The following HEATR3 variants were observed in gnomAD, a reference collection of about 807,000 sequenced individuals.
The protein encoded by HEATR3 is HEAT repeat containing 3, also known as HEAT repeat-containing protein 3.
Under a neutral mutation model 72.8 loss-of-function variants are expected in HEATR3, and 56 were observed. The observed-to-expected ratio is 0.77, with a 90% CI of 0.62 to 0.96. The LOEUF (loss-of-function observed/expected upper bound fraction) is 0.96, where lower values mean the gene tolerates loss of function less well. Among genes scored for constraint, HEATR3 ranks in the 40% least tolerant of loss-of-function variants. The pLI is 0.00. For missense variants in HEATR3, 747 were observed against 831.4 expected (o/e 0.90, Z 1.25); for synonymous variants, 331 against 318.1 (o/e 1.04, Z -0.43).
At chr16:50,100,434 G>A in intron 13 of HEATR3, 61 bp downstream of exon 13, 2 of 1,529,422 alleles carry the variant, frequency 1.3e-6, no homozygotes, top group South Asian at 1.1e-5. Context: ...AAGAACTGTT[G>A]GTGTAGGATT....
chr16:50,066,652 G>A lies in HEATR3; in HGVS notation c.311+113G>A, dbSNP rs944371120. 17 of 990,296 alleles carry A rather than the reference G, an allele frequency of 1.7e-5. No individual in the cohort carries two copies. In the Admixed American group the frequency reaches 3.9e-4, roughly 23 times the overall value. The allele number at this position is 990,296 out of a possible 1,614,324, so 61.3% of individuals were successfully genotyped here. On this transcript the variant is annotated intron_variant, in intron 2 of 14. Transcript: ENST00000299192. ...TCTGTGTGCCATCAGGCACTGGCCC[G>A]GTCTCCCGTTTGCAGAGATTTGAAG...
chr16:50,070,413 G>A, intron 4 of HEATR3, 123 bp downstream of exon 4: 1 of 422,500 alleles, frequency 2.4e-6, no homozygotes, highest in South Asian at 3.7e-5. Flanking sequence ...TTAAGACATG[G>A]TAGGGGCCGG....
intron 12 of HEATR3, among the ~76,000 whole-genome samples, chr16:50,096,778 G>A (rs1239946692): frequency 3.9e-5 from 6 of 152,188 alleles, no homozygotes; most frequent in Admixed American, 1.3e-4. Context: ...CAGCCTGGGC[G>A]ACAGAGGGAG....
chr16:50,082,598 C>T (rs1179462959), intron 7 of HEATR3, among the ~76,000 whole-genome samples: 9 of 146,756 alleles, frequency 6.1e-5, no homozygotes, highest in Non-Finnish European at 9.0e-5. Context: ...TAAGAATATG[C>T]TTAGAAGTTA....
At chr16:50,088,292 C>T (rs78366638) in intron 11 of HEATR3, among the ~76,000 whole-genome samples, 1 of 152,164 alleles carries the variant, frequency 6.6e-6, no homozygotes, top group Non-Finnish European at 1.5e-5. Context: ...CTAAATTAAT[C>T]TTTAAAAATT....
At chr16:50,079,817 C>T (rs1464332859) in intron 7 of HEATR3, among the ~76,000 whole-genome samples, 2 of 152,190 alleles carry the variant, frequency 1.3e-5, no homozygotes, top group Non-Finnish European at 2.9e-5. Flanking sequence ...GGAACTTCCT[C>T]CATGTTGGGA....
chr16:50,079,680 A>G (rs908927675), intron 7 of HEATR3, among the ~76,000 whole-genome samples: 2 of 152,140 alleles, frequency 1.3e-5, no homozygotes, highest in East Asian at 3.8e-4. Flanking sequence ...AGCAAATAGG[A>G]AGACGGGGCA....
chr16:50,081,414 C>T (rs973485963), intron 7 of HEATR3, among the ~76,000 whole-genome samples: 2 of 152,110 alleles, frequency 1.3e-5, no homozygotes, highest in East Asian at 1.9e-4. Flanking sequence ...CACTGCACTC[C>T]AGCCTGGGCA....
chr16:50,075,787 C>A, intron 6 of HEATR3, 76 bp downstream of exon 6: 1 of 1,280,116 alleles, frequency 7.8e-7, no homozygotes, highest in South Asian at 1.3e-5. Context: ...AAAATTTAGT[C>A]ATTCATTTCA....
At chr16:50,095,599 T>TA (rs1250615627) in intron 12 of HEATR3, among the ~76,000 whole-genome samples, 3 of 151,998 alleles carry the variant, frequency 2.0e-5, no homozygotes, top group Admixed American at 6.6e-5. Flanking sequence ...GACGGGGTCT[T>TA]ACTGTGTTGC....
At chr16:50,086,192 G>A in intron 10 of HEATR3, 23 bp from the exon 11 acceptor site, 1 of 1,562,732 alleles carries the variant, frequency 6.4e-7, no homozygotes, top group Non-Finnish European at 8.7e-7. Context: ...GAATCAGATG[G>A]CATTGTTTCA....
chr16:50,066,393 C>T lies in HEATR3; in HGVS notation c.165C>T (p.Arg55=). The T allele has an allele frequency of 6.5e-7, 1 of 1,548,122 alleles. No homozygotes were observed. Among genetic ancestry groups the T allele is most frequent in the South Asian group, 1.2e-5 (1 of 85,360 alleles). Reference sequence around the variant, plus strand: ...TCCAGCACCCGAGCGCCGAGGTCCGCGAGTGCGCCTGCGCAGGGCTGGCCC... The same window carrying T: ...TCCAGCACCCGAGCGCCGAGGTCCGTGAGTGCGCCTGCGCAGGGCTGGCCC... ...EKLQHPSAEV[R]ECACAGLARL... is the part of the protein sequence containing the mutation. The change falls in exon 2 of 15, where the codon CGC becomes CGT. Residue 55 remains arginine (R), a synonymous_variant. Transcript: ENST00000299192.
chr16:50,072,984 C>A, intron 5 of HEATR3: 1 of 332,476 alleles, frequency 3.0e-6, no homozygotes, highest in Non-Finnish European at 5.5e-6. Flanking sequence ...TTCTTAGCAG[C>A]CTTTATTAAT....
intron 12 of HEATR3, among the ~76,000 whole-genome samples, chr16:50,096,176 T>G (rs2037230471): frequency 6.6e-6 from 1 of 151,668 alleles, no homozygotes. Flanking sequence ...AATACAAAAG[T>G]TAGCTGGGCA....
chr16:50,067,491 G>T (rs997709279), intron 2 of HEATR3, among the ~76,000 whole-genome samples: 1 of 149,646 alleles, frequency 6.7e-6, no homozygotes, highest in Non-Finnish European at 1.5e-5. Context: ...GAAGCAGCAG[G>T]CAGCTTGACG....
At chr16:50,100,837 A>G (rs927116297) in intron 13 of HEATR3, 2 of 198,798 alleles carry the variant, frequency 1.0e-5, no homozygotes, top group Non-Finnish European at 2.0e-5. Flanking sequence ...CAACCCTGGT[A>G]GTGCCAATAT....
intron 11 of HEATR3, among the ~76,000 whole-genome samples, chr16:50,094,292 G>C (rs750195039): frequency 6.6e-6 from 1 of 152,250 alleles, no homozygotes; most frequent in Non-Finnish European, 1.5e-5. Flanking sequence ...TGGCTAAGCA[G>C]TGGGCTTGGG....
intron 11 of HEATR3, among the ~76,000 whole-genome samples, chr16:50,086,958 A>T (rs2356836): frequency 0.68 from 102,968 of 151,528 alleles, 35,254 homozygotes; most frequent in South Asian, 0.72. Context: ...ATTGAGTACT[A>T]TTCTATTATT....
chr16:50,102,016 C>CA (rs2037377629), intron 13 of HEATR3, among the ~76,000 whole-genome samples: 2 of 152,102 alleles, frequency 1.3e-5, no homozygotes, highest in South Asian at 2.1e-4. Flanking sequence ...TAGTGATTTC[C>CA]AAAATCATAC....
Sources: allele counts gnomAD v4.1 joint callset (sites outside exome capture counted in the v4.1 genomes callset), GRCh38; gene constraint gnomAD v4.1.1; transcripts MANE v1.5; gene names NCBI Gene and HGNC (gene_info 2026-07-23, HGNC 2026-07-21).